The following ATG10 variants were observed in gnomAD, a reference collection of about 807,000 sequenced individuals.
ATG10 encodes autophagy related 10, also known as ubiquitin-like-conjugating enzyme ATG10.
Under a neutral mutation model 32.1 loss-of-function variants are expected in ATG10, and 30 were observed. The observed-to-expected ratio is 0.94, with a 90% CI of 0.70 to 1.27. The LOEUF (loss-of-function observed/expected upper bound fraction) is 1.27. Among genes scored for constraint, ATG10 ranks in the 50% most tolerant of loss-of-function variants. ATG10 has a pLI of 0.00. For synonymous variants in ATG10, 87 were observed against 91.5 expected (o/e 0.95, Z 0.28); for missense variants, 233 against 262.3 (o/e 0.89, Z 0.77).
chr5:82,029,382 A>G (rs968541700), intron 2 of ATG10, among the ~76,000 whole-genome samples: 1 of 152,214 alleles, frequency 6.6e-6, no homozygotes, highest in African/African-American at 2.4e-5. Flanking sequence ...AATCCCCTCC[A>G]GTTTACCCTA....
chr5:82,050,424 A>G (rs2149739470), intron 2 of ATG10, among the ~76,000 whole-genome samples: 1 of 151,832 alleles, frequency 6.6e-6, no homozygotes, highest in Non-Finnish European at 1.5e-5. Context: ...CTTCTTTCTG[A>G]TTTTTGATTA....
intron 3 of ATG10, among the ~76,000 whole-genome samples, chr5:82,107,401 G>T (rs944043735): frequency 6.6e-6 from 1 of 152,036 alleles, no homozygotes; most frequent in Non-Finnish European, 1.5e-5. Context: ...GAGATAAAGG[G>T]AGCAGCTAAG....
At chr5:82,058,352 C>G in intron 2 of ATG10, 143 bp from the exon 3 acceptor site, 2 of 596,914 alleles carry the variant, frequency 3.4e-6, no homozygotes, top group South Asian at 2.3e-5. Flanking sequence ...GGGTGTTGGA[C>G]TAGTCTCTTT....
chr5:82,197,720 T>TTCTTTCTA (rs754765531), intron 5 of ATG10, among the ~76,000 whole-genome samples: 253 of 143,934 alleles, frequency 1.8e-3, no homozygotes, highest in East Asian at 9.0e-3. Flanking sequence ...CTTTCTTTCT[T>TTCTTTCTA]TCTATCTATC....
At chr5:82,148,517 C>T (rs949870826) in intron 3 of ATG10, among the ~76,000 whole-genome samples, 37 of 152,276 alleles carry the variant, frequency 2.4e-4, no homozygotes, top group African/African-American at 8.2e-4. Context: ...ATTCAACATA[C>T]AGATAAACCC....
intron 5 of ATG10, among the ~76,000 whole-genome samples, chr5:82,186,475 CTG>C (rs1744446660): frequency 6.6e-6 from 1 of 152,042 alleles, no homozygotes; most frequent in Non-Finnish European, 1.5e-5. Context: ...CTGTTTGTCT[CTG>C]TCTCTACTAG....
chr5:82,079,459 T>A (rs1265698827), intron 3 of ATG10, among the ~76,000 whole-genome samples: 1 of 152,086 alleles, frequency 6.6e-6, no homozygotes, highest in Non-Finnish European at 1.5e-5. Flanking sequence ...GTTGGTGTGC[T>A]GCACCCATTA....
At chr5:81,993,351 C>CT (rs1247803895) in intron 2 of ATG10, among the ~76,000 whole-genome samples, 436 of 21,656 alleles carry the variant, frequency 0.02, 45 homozygotes, top group East Asian at 0.19. Flanking sequence ...TTCTTTCTTT[C>CT]TTTCTTTCCT....
intron 2 of ATG10, among the ~76,000 whole-genome samples, chr5:82,012,646 C>T (rs1762158764): frequency 6.6e-6 from 1 of 152,044 alleles, no homozygotes; most frequent in Non-Finnish European, 1.5e-5. Flanking sequence ...ACAGCAAGCA[C>T]TATGTTTTTG....
intron 1 of ATG10, among the ~76,000 whole-genome samples, chr5:81,985,663 T>A (rs912927878): frequency 3.3e-5 from 5 of 152,230 alleles, no homozygotes; most frequent in Non-Finnish European, 5.9e-5. Flanking sequence ...TCTTTTCAGT[T>A]GTATTGTCCA....
chr5:82,147,301 TG>T, intron 3 of ATG10: 1 of 198,956 alleles, frequency 5.0e-6, no homozygotes, highest in Middle Eastern at 2.1e-3. Context: ...TCCGAGTAAC[TG>T]GGACTACAGG....
chr5:82,064,777 T>A lies in ATG10; in HGVS notation c.216+6175T>A, dbSNP rs1303651881. Among the ~76,000 whole-genome samples, 3 of 151,916 alleles carry A rather than the reference T, an allele frequency of 2.0e-5. No homozygotes were observed. In the East Asian group the frequency reaches 5.8e-4, roughly 29 times the overall value. On this transcript the variant is annotated intron_variant, in intron 3 of 7. Transcript: ENST00000282185. ...TAGTGAAGGTGGATAAAAACAGTTA[T>A]AATAATAATAACAATAACAATATTA... is the stretch of plus-strand genomic sequence containing the variant.
chr5:82,127,807 C>G (rs536647166), intron 3 of ATG10, among the ~76,000 whole-genome samples: 1 of 152,182 alleles, frequency 6.6e-6, no homozygotes, highest in South Asian at 2.1e-4. Context: ...CCACTTGGTC[C>G]AGAGCCGAGT....
At chr5:82,227,413 C>T (rs1006944600) in intron 5 of ATG10, among the ~76,000 whole-genome samples, 5 of 151,976 alleles carry the variant, frequency 3.3e-5, no homozygotes, top group Non-Finnish European at 5.9e-5. Context: ...ATCTATCTGT[C>T]ATCCAGGCTG....
chr5:81,992,002 T>C (rs1001623510), intron 2 of ATG10: 3 of 152,032 alleles, frequency 2.0e-5, no homozygotes, highest in African/African-American at 7.3e-5. Context: ...AATTTTTTTT[T>C]TAAATCGAGA....
chr5:82,227,177 G>T (rs998389406), intron 5 of ATG10, among the ~76,000 whole-genome samples: 1 of 151,868 alleles, frequency 6.6e-6, no homozygotes, highest in Non-Finnish European at 1.5e-5. Context: ...GGCACCTGTG[G>T]TTGAGATTTT....
intron 3 of ATG10, 23 bp from the exon 4 acceptor site, chr5:82,164,376 G>C: frequency 1.9e-6 from 3 of 1,610,838 alleles, no homozygotes; most frequent in Non-Finnish European, 2.5e-6. Flanking sequence ...ACCCGTTTTC[G>C]TTTTGTTTTT....
intron 1 of ATG10, among the ~76,000 whole-genome samples, chr5:81,983,911 C>T (rs1041451958): frequency 4.6e-5 from 7 of 150,884 alleles, no homozygotes; most frequent in South Asian, 2.1e-4. Flanking sequence ...TATGGGCGGC[C>T]GGGCAGAGAC....
chr5:82,158,035 T>A (rs556055148), intron 3 of ATG10, among the ~76,000 whole-genome samples: 1 of 152,314 alleles, frequency 6.6e-6, no homozygotes, highest in Admixed American at 6.5e-5. Flanking sequence ...CAAGGCCCAA[T>A]ACACTATTTG....
Sources: gnomAD v4.1 joint callset for allele counts (sites outside exome capture counted in the v4.1 genomes callset) on GRCh38, gnomAD v4.1.1 for gene constraint, MANE v1.5 for transcripts, NCBI Gene and HGNC (gene_info 2026-07-23, HGNC 2026-07-21) for gene names.